Variants in AUTS2 observed in about 807,000 individuals in gnomAD.
The protein encoded by AUTS2 is autism susceptibility gene 2 protein.
A neutral mutation model predicts 112.4 loss-of-function variants in AUTS2; 17 were observed. The ratio of observed to expected loss-of-function variants is 0.15; its 90% confidence interval spans 0.10 to 0.23. The LOEUF (loss-of-function observed/expected upper bound fraction) is 0.23, where lower values mean the gene tolerates loss of function less well. AUTS2 is among the 10% of genes least tolerant of loss of function. AUTS2 has a pLI of 1.00. For synonymous variants in AUTS2, 751 were observed against 702.7 expected (o/e 1.07, Z -1.09); for missense variants, 1,510 against 1,701.6 (o/e 0.89, Z 1.98).
chr7:69,678,179 A>C (rs918002519), intron 1 of AUTS2, among the ~76,000 whole-genome samples: 1 of 150,880 alleles, frequency 6.6e-6, no homozygotes. Context: ...CACAGGAAAA[A>C]CTCGTCCCCT....
Position 69,774,489 on chromosome 7 carries a change from G to A in AUTS2, c.310-124797G>A, listed in dbSNP as rs187438817. ...ATCACCGCATGAATGCGAATAGCCA[G>A]TAATGGATACAAGCACTGAGATGAA... On this transcript the variant is annotated intron_variant, in intron 1 of 18. Transcript: ENST00000342771. Among the ~76,000 whole-genome samples, 302 of 152,366 alleles carry A rather than the reference G, an allele frequency of 2.0e-3. 2 individuals are homozygous for A. The highest frequency in any genetic ancestry group is 4.0e-3 in the Non-Finnish European group (270 of 68,036).
chr7:69,980,914 A>G (rs944730938), intron 2 of AUTS2, among the ~76,000 whole-genome samples: 1 of 152,196 alleles, frequency 6.6e-6, no homozygotes, highest in Non-Finnish European at 1.5e-5. Flanking sequence ...TCACATCTGT[A>G]ATTCATTGAC....
At chr7:69,801,077 CTGTT>C (rs1460267345) in intron 1 of AUTS2, among the ~76,000 whole-genome samples, 3 of 152,024 alleles carry the variant, frequency 2.0e-5, no homozygotes, top group Admixed American at 6.6e-5. Context: ...CCTGGACTGT[CTGTT>C]CTGCTAGGAT....
chr7:70,509,387 G>A (rs1420572801), intron 5 of AUTS2, among the ~76,000 whole-genome samples: 5 of 152,122 alleles, frequency 3.3e-5, no homozygotes, highest in African/African-American at 1.2e-4. Flanking sequence ...GAGGAAGGTT[G>A]GGAAAGTACC....
intron 1 of AUTS2, among the ~76,000 whole-genome samples, chr7:69,825,435 G>C (rs1480370226): frequency 1.3e-5 from 2 of 152,030 alleles, no homozygotes; most frequent in Admixed American, 6.5e-5. Flanking sequence ...CGAAAGCACT[G>C]TCTTAATGGA....
At chr7:70,432,811 G>C (rs372505557) in intron 4 of AUTS2, among the ~76,000 whole-genome samples, 1 of 152,174 alleles carries the variant, frequency 6.6e-6, no homozygotes, top group Admixed American at 6.5e-5. Flanking sequence ...TGGATGGTGC[G>C]CTCCTGCTGA....
chr7:70,772,164 G>T (rs917018439), intron 11 of AUTS2, among the ~76,000 whole-genome samples: 1 of 152,274 alleles, frequency 6.6e-6, no homozygotes, highest in East Asian at 1.9e-4. Context: ...CAGGTGGGGT[G>T]GTCGCCTCCC....
rs1791806791 is a variant in AUTS2, at chr7:70,790,131, A to G, written c.2915A>G (p.Glu972Gly). The G allele has an allele frequency of 6.2e-7, 1 of 1,606,888 alleles. No homozygotes were observed. The highest frequency in any genetic ancestry group is 1.3e-5 in the African/African-American group (1 of 74,954). The change falls in exon 19 of 19, where the codon GAG becomes GGG. Residue 972 changes from glutamate to glycine, a missense_variant. Glu to Gly is a moderately conservative substitution (Grantham distance 98, BLOSUM62 -2). Around this residue, in one of 3 missense-constraint regions of AUTS2, gnomAD observed 788 missense variants for 797.6 expected, o/e 0.99. Transcript: ENST00000342771. The surrounding 1 kb of genome is among the most constrained non-coding windows in gnomAD (Gnocchi z 7.6). ...AEPRKGEPAY[E>G]NPKKSSEVKV... ...CCGCGCAAGGGTGAGCCGGCCTACG[A>G]GAACCCCAAGAAGAGCTCCGAGGTC...
chr7:70,423,563 C>T (rs1450564792), intron 4 of AUTS2, among the ~76,000 whole-genome samples: 5 of 152,164 alleles, frequency 3.3e-5, no homozygotes, highest in African/African-American at 1.2e-4. Flanking sequence ...TGTACCTATG[C>T]ATTTTACTTT....
intron 4 of AUTS2, among the ~76,000 whole-genome samples, chr7:70,151,442 G>C (rs1020619409): frequency 1.1e-4 from 16 of 152,220 alleles, no homozygotes; most frequent in African/African-American, 3.9e-4. Flanking sequence ...ATCAGTCATT[G>C]ACTGAGCAGT....
chr7:70,402,214 AAAG>A (rs1228968827), intron 4 of AUTS2, among the ~76,000 whole-genome samples: 2 of 152,264 alleles, frequency 1.3e-5, no homozygotes, highest in Non-Finnish European at 2.9e-5. Context: ...CAACAGTAGA[AAAG>A]AAGGACATTT....
rs1393265602 is a variant in AUTS2 at position 70,791,242 on chromosome 7, A to ACTT, written c.*247_*249dup. 2.6e-5 allele frequency: 9 copies of ACTT among 343,894 alleles called. No homozygotes were observed. The highest frequency in any genetic ancestry group is 2.9e-4 in the South Asian group (2 of 6,780). The allele number at this position is 343,894 out of a possible 1,614,324, so 21.3% of individuals were successfully genotyped here. ...TCCTACTTTTTGTTTCTCGTATAAAACTTTTTGATTTGAACCAAAACAGTG... is the reference window on the plus strand; with the variant it reads ...TCCTACTTTTTGTTTCTCGTATAAAACTTCTTTTTGATTTGAACCAAAACAGTG... On this transcript the variant is annotated 3_prime_UTR_variant, in exon 19 of 19. Coordinates refer to ENST00000342771, the MANE Select transcript of AUTS2 (RefSeq NM_015570.4).
chr7:70,195,398 G>A (rs916942785), intron 4 of AUTS2, among the ~76,000 whole-genome samples: 1 of 152,132 alleles, frequency 6.6e-6, no homozygotes, highest in Admixed American at 6.5e-5. Context: ...TGTAATCCCA[G>A]CACTTTGGGA....
At chr7:70,122,402 AT>A (rs1805728326) in intron 3 of AUTS2, among the ~76,000 whole-genome samples, 1 of 152,220 alleles carries the variant, frequency 6.6e-6, no homozygotes, top group Non-Finnish European at 1.5e-5. Flanking sequence ...CATTGAAAAT[AT>A]GGAAAATAGT....
intron 4 of AUTS2, chr7:70,291,885 C>G (rs574778839): frequency 6.6e-6 from 1 of 152,276 alleles, no homozygotes; most frequent in African/African-American, 2.4e-5. Context: ...AAGCCACCCA[C>G]TCTCCCAGGT....
At chr7:70,689,199 A>C (rs1808619781) in intron 5 of AUTS2, among the ~76,000 whole-genome samples, 1 of 152,004 alleles carries the variant, frequency 6.6e-6, no homozygotes, top group Non-Finnish European at 1.5e-5. Context: ...TCTAGAAAAA[A>C]ATTTTTAAAA....
chr7:70,287,627 T>C (rs1788521144), intron 4 of AUTS2, among the ~76,000 whole-genome samples: 1 of 152,144 alleles, frequency 6.6e-6, no homozygotes, highest in Non-Finnish European at 1.5e-5. Context: ...AATAACATTC[T>C]CACCTACAAG....
intron 14 of AUTS2, among the ~76,000 whole-genome samples, chr7:70,778,853 C>T (rs1468621882): frequency 6.6e-6 from 1 of 152,138 alleles, no homozygotes; most frequent in Admixed American, 6.5e-5. Flanking sequence ...GTTAGTGGAA[C>T]GGTAGGTAAA....
chr7:70,012,666 G>T (rs573186135), intron 2 of AUTS2, among the ~76,000 whole-genome samples: 1 of 152,004 alleles, frequency 6.6e-6, no homozygotes, highest in African/African-American at 2.4e-5. Context: ...TGTTAGAAGA[G>T]GCTTTGTCTT....
Sources: gnomAD v4.1 joint callset for allele counts (sites outside exome capture counted in the v4.1 genomes callset) on GRCh38, gnomAD v4.1.1 for gene constraint, gnomAD v4.1.1 regional missense constraint, Gnocchi (gnomAD v3.1) non-coding constraint, MANE v1.5 for transcripts, NCBI Gene and HGNC (gene_info 2026-07-23, HGNC 2026-07-21) for gene names.